Variants in KRTAP2-2 observed in about 807,000 individuals in gnomAD.
The protein encoded by KRTAP2-2 is keratin associated protein 2-2.
KRTAP2-2 carries 3 observed loss-of-function variants against 10.2 expected under a neutral mutation model. The observed-to-expected ratio is 0.29, with a 90% CI of 0.13 to 0.76. KRTAP2-2 has a LOEUF of 0.76. Ranked by LOEUF, KRTAP2-2 falls within the 30% of genes least tolerant of loss-of-function variation. The probability of loss-of-function intolerance (pLI) is 0.67; values close to 1 mark genes in which losing one functional copy is unlikely to be tolerated. For missense variants in KRTAP2-2, 54 were observed against 163.6 expected, an observed-to-expected ratio of 0.33 and a Z score of 3.65; for synonymous variants, 20 against 70.8, an observed-to-expected ratio of 0.28 and a Z score of 3.60.
At chr17:41,055,207 G>A in exon 1 of KRTAP2-2, 1 of 1,415,746 alleles carries the variant, frequency 7.1e-7, no homozygotes, top group Non-Finnish European at 9.2e-7. Flanking sequence ...GCAGGAGCCG[G>A]TCATGGTGGT....
exon 1 of KRTAP2-2, chr17:41,054,631 T>C: frequency 7.2e-7 from 1 of 1,396,362 alleles, no homozygotes; most frequent in Non-Finnish European, 9.6e-7. Context: ...TGTGAGCTAG[T>C]ATGAAGAGAT....
chr17:41,054,606 G>C lies in KRTAP2-2; in HGVS notation c.*234C>G. 2.5e-6 allele frequency: 3 copies of C among 1,222,742 alleles called. 1 individual carries two copies. Among genetic ancestry groups the C allele is most frequent in the Non-Finnish European group, 2.2e-6 (2 of 901,288 alleles). The allele number at this position is 1,222,742 out of a possible 1,614,324, so 75.7% of individuals were successfully genotyped here. A position where few individuals can be genotyped will look rare whatever the true frequency, so the allele number is the denominator to read the frequency against. On this transcript the variant is annotated 3_prime_UTR_variant, in exon 1 of 1. Coordinates refer to ENST00000398477, the Ensembl canonical transcript of KRTAP2-2. ...TCATCTGTGGTTGGTCTGAAAAGGT[G>C]TCTTCAATGCATAGTGTGAGCTAGT...
chr17:41,054,552 T>C, exon 1 of KRTAP2-2: 1 of 719,990 alleles, frequency 1.4e-6, no homozygotes, highest in Non-Finnish European at 2.2e-6. Flanking sequence ...GATATAGGAG[T>C]TAGACTGGAG....
exon 1 of KRTAP2-2, chr17:41,054,775 G>C (rs1229233325): frequency 6.5e-7 from 1 of 1,540,374 alleles, no homozygotes; most frequent in Non-Finnish European, 8.7e-7. Flanking sequence ...CCTGCAGGTG[G>C]TGCTGCAAGG....
chr17:41,054,707 G>C, exon 1 of KRTAP2-2: 1 of 1,536,226 alleles, frequency 6.5e-7, no homozygotes, highest in Non-Finnish European at 8.7e-7. Flanking sequence ...CAGCGGGATG[G>C]ACCTGGCCAT....
exon 1 of KRTAP2-2, chr17:41,054,574 G>T: frequency 3.3e-6 from 3 of 909,524 alleles, no homozygotes; most frequent in Non-Finnish European, 4.8e-6. Flanking sequence ...CCTAGGAAAA[G>T]TATTTCTCAT....
At chr17:41,054,544 T>C in exon 1 of KRTAP2-2, 2 of 673,574 alleles carry the variant, frequency 3.0e-6, no homozygotes, top group South Asian at 4.0e-5. Flanking sequence ...GACAACATGA[T>C]ATAGGAGTTA....
At chr17:41,055,093 A>C in exon 1 of KRTAP2-2, 1 of 1,297,106 alleles carries the variant, frequency 7.7e-7, no homozygotes, top group Non-Finnish European at 1.0e-6. Context: ...GGGGCGGCAC[A>C]CGGTGGTCTG....
At chr17:41,054,926 T>C in exon 1 of KRTAP2-2, 2 of 1,063,744 alleles carry the variant, frequency 1.9e-6, no homozygotes, top group Non-Finnish European at 2.6e-6. Flanking sequence ...CAGCAGGTGG[T>C]GGCCCAGCAG....
chr17:41,054,808 T>G (rs1019176925), exon 1 of KRTAP2-2: 1 of 1,526,670 alleles, frequency 6.6e-7, no homozygotes, highest in Non-Finnish European at 8.8e-7. Context: ...GCAGGGGGAC[T>G]GCACAGACAC....
At chr17:41,054,706 G>A in exon 1 of KRTAP2-2, 3 of 1,535,996 alleles carry the variant, frequency 2.0e-6, no homozygotes, top group Non-Finnish European at 1.7e-6. Context: ...GCAGCGGGAT[G>A]GACCTGGCCA....
chr17:41,054,997 C>T (rs1279525550), exon 1 of KRTAP2-2: 29 of 1,120,620 alleles, frequency 2.6e-5, no homozygotes, highest in Middle Eastern at 2.9e-4. Flanking sequence ...GCGGCAGCAG[C>T]CTTCCTGCAG....
chr17:41,054,746 C>A, exon 1 of KRTAP2-2: 2 of 1,521,842 alleles, frequency 1.3e-6, no homozygotes, highest in African/African-American at 1.4e-5. Context: ...TGATAACGGG[C>A]TGCTCAGCAG....
At chr17:41,054,499 T>C in exon 1 of KRTAP2-2, 2 of 586,428 alleles carry the variant, frequency 3.4e-6, no homozygotes, top group South Asian at 5.1e-5. Context: ...AGACCATGAT[T>C]TCTATGGTAG....
exon 1 of KRTAP2-2, chr17:41,054,745 G>A (rs2013039539): frequency 6.5e-7 from 1 of 1,540,762 alleles, no homozygotes; most frequent in Non-Finnish European, 8.7e-7. Flanking sequence ...GTGATAACGG[G>A]CTGCTCAGCA....
chr17:41,055,214 T>C, exon 1 of KRTAP2-2: 1 of 1,407,020 alleles, frequency 7.1e-7, no homozygotes, highest in Non-Finnish European at 9.3e-7. Flanking sequence ...CCGGTCATGG[T>C]GGTGTCTGAG....
chr17:41,055,126 C>T (rs2013052911), exon 1 of KRTAP2-2: 1 of 1,335,460 alleles, frequency 7.5e-7, no homozygotes, highest in Non-Finnish European at 9.9e-7. Flanking sequence ...GCGGCAGCAG[C>T]AGGGGTCGCG....
exon 1 of KRTAP2-2, chr17:41,054,783 A>G: frequency 6.5e-7 from 1 of 1,539,134 alleles, no homozygotes; most frequent in Non-Finnish European, 8.7e-7. Context: ...TGGTGCTGCA[A>G]GGGGTCGGCT....
rs1318233427 is a variant in KRTAP2-2, at chr17:41,054,634, G to A, written c.*206C>T. 7 of 1,416,234 alleles carry A rather than the reference G, an allele frequency of 4.9e-6. 1 individual carries two copies. Among genetic ancestry groups the A allele is most frequent in the Admixed American group, 4.2e-5 (2 of 48,028 alleles). The allele number at this position is 1,416,234 out of a possible 1,614,324, so 87.7% of individuals were successfully genotyped here. A position where few individuals can be genotyped will look rare whatever the true frequency, so the allele number is the denominator to read the frequency against. On this transcript the variant is annotated 3_prime_UTR_variant, in exon 1 of 1. Coordinates refer to ENST00000398477, the Ensembl canonical transcript of KRTAP2-2. Reference sequence around the variant, plus strand: ...TTCAATGCATAGTGTGAGCTAGTATGAAGAGATGAGAAATGGGCTTCTCAA... The same window carrying A: ...TTCAATGCATAGTGTGAGCTAGTATAAAGAGATGAGAAATGGGCTTCTCAA...
Sources: allele counts gnomAD v4.1 joint callset, GRCh38; gene constraint gnomAD v4.1.1; transcripts MANE v1.5; gene names NCBI Gene and HGNC (gene_info 2026-07-23, HGNC 2026-07-21).